Variants in NRG3 observed in about 807,000 individuals in gnomAD.
NRG3 encodes neuregulin 3.
In NRG3, 31 loss-of-function variants were observed where a neutral mutation model predicts 66.9. That is an observed-to-expected ratio of 0.46 (90% confidence interval 0.35 to 0.63). The LOEUF is 0.63. NRG3 is among the 20% of genes least tolerant of loss of function. NRG3 has a pLI of 0.00. For missense variants in NRG3, 910 were observed against 878.9 expected (o/e 1.04, Z -0.45); for synonymous variants, 393 against 359.4 (o/e 1.09, Z -1.06).
At chr10:82,699,339 AGAAG>A (rs1433221895) in intron 2 of NRG3, among the ~76,000 whole-genome samples, 3 of 151,892 alleles carry the variant, frequency 2.0e-5, no homozygotes, top group Non-Finnish European at 4.4e-5. Flanking sequence ...GAAGGAAGGA[AGAAG>A]GGATGGAGGG....
At chr10:82,689,153 G>C (rs1362463779) in intron 2 of NRG3, among the ~76,000 whole-genome samples, 1 of 152,160 alleles carries the variant, frequency 6.6e-6, no homozygotes, top group Non-Finnish European at 1.5e-5. Context: ...AATGTTGGCA[G>C]TTTCATGTGG....
At chr10:82,261,301 A>G (rs1344511481) in intron 1 of NRG3, among the ~76,000 whole-genome samples, 3 of 152,138 alleles carry the variant, frequency 2.0e-5, no homozygotes, top group Admixed American at 1.3e-4. Context: ...TCCTGCCACC[A>G]TATGAAGAAG....
chr10:82,828,190 C>T (rs970256469), intron 3 of NRG3, among the ~76,000 whole-genome samples: 15 of 151,890 alleles, frequency 9.9e-5, no homozygotes, highest in African/African-American at 2.4e-4. Context: ...GCAAGGATGG[C>T]GTAAAGAAGG....
At chr10:82,279,841 G>A (rs1447463335) in intron 1 of NRG3, among the ~76,000 whole-genome samples, 1 of 152,188 alleles carries the variant, frequency 6.6e-6, no homozygotes, top group African/African-American at 2.4e-5. Context: ...CTGAAAGTCA[G>A]TAAAATCGCT....
At chr10:81,940,985 G>A (rs1019987134) in intron 1 of NRG3, among the ~76,000 whole-genome samples, 1 of 152,008 alleles carries the variant, frequency 6.6e-6, no homozygotes, top group African/African-American at 2.4e-5. Context: ...AGTTACAATA[G>A]ATATATAATT....
At chr10:82,006,939 A>C (rs767695053) in intron 1 of NRG3, among the ~76,000 whole-genome samples, 36 of 152,314 alleles carry the variant, frequency 2.4e-4, no homozygotes, top group Middle Eastern at 3.4e-3. Context: ...ATATTTTAGC[A>C]AAAAATTGCC....
At position 82,515,100 on chromosome 10, in the gene NRG3, C is replaced by T. The variant is rs780759110; in HGVS notation, c.953+156232C>T. ...GGATTGTCAGACTCCCTGATTTTTG[C>T]TAGTCTGTTGGAGATTTAGTGGTAT... On this transcript the variant is annotated intron_variant, in intron 2 of 8. Coordinates refer to ENST00000372141, the MANE Select transcript of NRG3 (RefSeq NM_001010848.4). 4.6e-4 allele frequency among the ~76,000 whole-genome samples: 70 copies of T among 152,182 alleles called. 1 individual carries two copies. The highest frequency in any genetic ancestry group is 8.5e-4 in the Non-Finnish European group (58 of 68,006).
At chr10:82,948,370 C>G (rs1453935173) in intron 4 of NRG3, among the ~76,000 whole-genome samples, 1 of 152,064 alleles carries the variant, frequency 6.6e-6, no homozygotes, top group African/African-American at 2.4e-5. Context: ...ACTTTGTTCT[C>G]TTGGCTACAG....
At chr10:82,839,075 G>A (rs894004174) in intron 3 of NRG3, among the ~76,000 whole-genome samples, 3 of 152,106 alleles carry the variant, frequency 2.0e-5, no homozygotes, top group Non-Finnish European at 2.9e-5. Context: ...CCCACAACAC[G>A]TGAGATTTAT....
intron 2 of NRG3, among the ~76,000 whole-genome samples, chr10:82,494,368 G>T (rs374365615): frequency 3.9e-5 from 6 of 152,100 alleles, no homozygotes; most frequent in South Asian, 2.1e-4. Context: ...ACTCAAATAC[G>T]ATCTCCTTTT....
rs546561233 is a variant in NRG3, at chr10:82,264,358, C to G, written c.824-94381C>G. Among the ~76,000 whole-genome samples the G allele has an allele frequency of 1.8e-3, 276 of 152,244 alleles. 1 individual carries two copies. Among genetic ancestry groups the G allele is most frequent in the African/African-American group, 6.1e-3 (255 of 41,556 alleles). On this transcript the variant is annotated intron_variant, in intron 1 of 8. Coordinates refer to ENST00000372141, the MANE Select transcript of NRG3 (RefSeq NM_001010848.4). ...GAAACCCCTTATAAAACCATTAGGTCTCAGAACTCACTAGTGATCATGAGA... is the reference window on the plus strand; with the variant it reads ...GAAACCCCTTATAAAACCATTAGGTGTCAGAACTCACTAGTGATCATGAGA...
chr10:82,311,482 T>A (rs544990937), intron 1 of NRG3, among the ~76,000 whole-genome samples: 1 of 152,286 alleles, frequency 6.6e-6, no homozygotes, highest in African/African-American at 2.4e-5. Flanking sequence ...AAGCACTCAC[T>A]GGCTGTGCTG....
intron 2 of NRG3, among the ~76,000 whole-genome samples, chr10:82,663,457 C>CT (rs2052523002): frequency 1.3e-5 from 2 of 152,100 alleles, no homozygotes; most frequent in South Asian, 2.1e-4. Flanking sequence ...ATCTGGGTAT[C>CT]TTTTTTTAAC....
intron 2 of NRG3, among the ~76,000 whole-genome samples, chr10:82,428,526 C>T (rs962267488): frequency 3.3e-5 from 5 of 151,716 alleles, no homozygotes; most frequent in African/African-American, 1.2e-4. Context: ...TCCTAAATGT[C>T]CTTTAGTTAA....
intron 1 of NRG3, among the ~76,000 whole-genome samples, chr10:82,013,825 T>G (rs2061677833): frequency 6.6e-6 from 1 of 152,196 alleles, no homozygotes; most frequent in African/African-American, 2.4e-5. Flanking sequence ...TTCAATTCCC[T>G]ATTCCTCTAA....
chr10:82,269,961 G>A (rs1012442913), intron 1 of NRG3, among the ~76,000 whole-genome samples: 1 of 152,132 alleles, frequency 6.6e-6, no homozygotes, highest in African/African-American at 2.4e-5. Flanking sequence ...CTTACATGAA[G>A]TCTCTCTGAT....
intron 1 of NRG3, among the ~76,000 whole-genome samples, chr10:81,998,841 G>A (rs1249395260): frequency 6.6e-6 from 1 of 152,152 alleles, no homozygotes; most frequent in Non-Finnish European, 1.5e-5. Flanking sequence ...AAAACTTTGT[G>A]TGTGTGTGTC....
chr10:82,418,344 A>G (rs186992948), intron 2 of NRG3, among the ~76,000 whole-genome samples: 2 of 151,960 alleles, frequency 1.3e-5, no homozygotes, highest in Admixed American at 1.3e-4. Flanking sequence ...AAATGTGGAA[A>G]AGTTGATGTT....
At chr10:81,987,102 G>A (rs1166330222) in intron 1 of NRG3, among the ~76,000 whole-genome samples, 1 of 151,698 alleles carries the variant, frequency 6.6e-6, no homozygotes, top group Non-Finnish European at 1.5e-5. Context: ...TTCTGAGAGG[G>A]AGTCTTGCTC....
Sources: allele counts gnomAD v4.1 joint callset (sites outside exome capture counted in the v4.1 genomes callset), GRCh38; gene constraint gnomAD v4.1.1; transcripts MANE v1.5; gene names NCBI Gene and HGNC (gene_info 2026-07-23, HGNC 2026-07-21).